Variants in SNED1 observed in about 807,000 individuals in gnomAD.
The protein encoded by SNED1 is sushi, nidogen and EGF-like domain-containing protein 1.
SNED1 carries 81 observed loss-of-function variants against 166.7 expected under a neutral mutation model. That is an observed-to-expected ratio of 0.49 (90% CI 0.41 to 0.58). SNED1 has a LOEUF of 0.58. Among genes scored for constraint, SNED1 ranks in the 20% least tolerant of loss-of-function variants. SNED1 has a pLI of 0.00. For synonymous variants in SNED1, 762 were observed against 822.0 expected, an observed-to-expected ratio of 0.93 and a Z score of 1.25; for missense variants, 1,604 against 2,000.2, an observed-to-expected ratio of 0.80 and a Z score of 3.78.
chr2:241,087,851 AGGGTTCAAG>A, intron 30 of SNED1: 2 of 492,374 alleles, frequency 4.1e-6, no homozygotes, highest in Non-Finnish European at 6.6e-6. Context: ...CTTTCCACAA[AGGGTTCAAG>A]GTAGTTACAA....
At position 241,063,920 on chromosome 2, in the gene SNED1, A is replaced by G. The variant is rs1211184844; in HGVS notation, c.2486-92A>G. 5.0e-6 allele frequency: 5 copies of G among 1,005,268 alleles called. No homozygotes were observed. The African/African-American group carries it at 8.0e-5, about 16-fold the overall frequency. 62.3% of individuals were successfully genotyped at this position (1,005,268 alleles called of 1,614,324 possible). ...CCCCTCTCTCCTGGCCTCCGCCCCT[A>G]GACTCCTCCTTTCCCTTCTTCCCGC... On this transcript the variant is annotated intron_variant, in intron 18 of 31. Transcript: ENST00000310397.
chr2:241,039,815 C>G (rs920064098), intron 6 of SNED1, among the ~76,000 whole-genome samples: 22 of 152,146 alleles, frequency 1.4e-4, no homozygotes, highest in African/African-American at 5.1e-4. Flanking sequence ...CCCCATTTGC[C>G]CCTGCCCAGC....
chr2:241,007,526 T>C (rs1177773249), intron 1 of SNED1, among the ~76,000 whole-genome samples: 1 of 152,248 alleles, frequency 6.6e-6, no homozygotes, highest in Non-Finnish European at 1.5e-5. Context: ...ACAGTGCTAC[T>C]CCTAGAAGCC....
intron 4 of SNED1, among the ~76,000 whole-genome samples, chr2:241,036,060 CAGGGT>C (rs2061356127): frequency 4.1e-5 from 1 of 24,306 alleles, no homozygotes; most frequent in African/African-American, 1.9e-4. Context: ...AGGTGCGTCA[CAGGGT>C]GGGGGGTGGG....
rs1359603021 is a variant in SNED1, at chr2:241,069,160, C to A, written c.3307+137C>A. 3 of 624,268 alleles carry A rather than the reference C, an allele frequency of 4.8e-6. No homozygotes were observed. The highest frequency in any genetic ancestry group is 3.1e-5 in the Admixed American group (1 of 32,736). 38.7% of individuals were successfully genotyped at this position (624,268 alleles called of 1,614,324 possible). A position where few individuals can be genotyped will look rare whatever the true frequency, so the allele number is the denominator to read the frequency against. ...GCCCCTGGCCTCCCAGATGTCTCTT[C>A]CGCTGGGGCCACTGGGCAGGAGCCG... On this transcript the variant is annotated intron_variant, in intron 23 of 31. Coordinates refer to ENST00000310397, the MANE Select transcript of SNED1 (RefSeq NM_001080437.3). This position sits in a 1 kb window ranked among gnomAD's most constrained non-coding sequence, Gnocchi z 4.9.
intron 1 of SNED1, among the ~76,000 whole-genome samples, chr2:241,011,594 C>T (rs986445709): frequency 6.6e-5 from 10 of 152,264 alleles, no homozygotes; most frequent in African/African-American, 2.4e-4. Context: ...TTTTCCACAT[C>T]TCTATGACAT....
At chr2:241,058,391 A>T (rs2062127767) in intron 16 of SNED1, among the ~76,000 whole-genome samples, 1 of 152,214 alleles carries the variant, frequency 6.6e-6, no homozygotes, top group South Asian at 2.1e-4. Flanking sequence ...AGGAAAAAAA[A>T]TACGAAATGA....
intron 1 of SNED1, among the ~76,000 whole-genome samples, chr2:241,006,951 G>T (rs11892860): frequency 0.044 from 6,675 of 152,202 alleles, 494 homozygotes; most frequent in African/African-American, 0.15. Flanking sequence ...CTCCAGAAGG[G>T]GCTCCCACTG....
At position 241,075,151 on chromosome 2, in the gene SNED1, T is replaced by G. The variant is rs530320957; in HGVS notation, c.3916+1787T>G. Reference sequence around the variant, plus strand: ...AGTGAACTGACCGGCTCTTCTCCCCTCTCTGTGCAGAGAACATGTAGGTTG... The same window carrying G: ...AGTGAACTGACCGGCTCTTCTCCCCGCTCTGTGCAGAGAACATGTAGGTTG... On this transcript the variant is annotated intron_variant, in intron 27 of 31. Transcript: ENST00000310397. This position sits in a 1 kb window ranked among gnomAD's most constrained non-coding sequence, Gnocchi z 4.8. 1 of 152,320 alleles carries G rather than the reference T, an allele frequency of 6.6e-6. No individual in the cohort carries two copies. Among genetic ancestry groups the G allele is most frequent in the South Asian group, 2.1e-4 (1 of 4,822 alleles). 9.4% of individuals were successfully genotyped at this position (152,320 alleles called of 1,614,324 possible). A position where few individuals can be genotyped will look rare whatever the true frequency, so the allele number is the denominator to read the frequency against.
At chr2:241,036,008 GAGT>G (rs2061348154) in intron 4 of SNED1, among the ~76,000 whole-genome samples, 1 of 105,384 alleles carries the variant, frequency 9.5e-6, no homozygotes, top group African/African-American at 3.8e-5. Context: ...ACGGGGAGGG[GAGT>G]GGGGGGTGGA....
intron 31 of SNED1, chr2:241,088,776 A>G: frequency 3.7e-6 from 1 of 269,522 alleles, no homozygotes. Context: ...ACCTGGGAGG[A>G]GGGGCCACGG....
chr2:241,054,326 C>A (rs925343151), intron 16 of SNED1, among the ~76,000 whole-genome samples: 2 of 152,174 alleles, frequency 1.3e-5, no homozygotes, highest in Non-Finnish European at 2.9e-5. Flanking sequence ...TATGTATGAT[C>A]GGAAGCAGAA....
chr2:241,062,735 C>A, intron 16 of SNED1, 56 bp from the exon 17 acceptor site: 1 of 1,191,082 alleles, frequency 8.4e-7, no homozygotes, highest in Non-Finnish European at 1.2e-6. Context: ...TTATGTGCAT[C>A]TTAATTTGGC....
chr2:241,052,451 G>A lies in SNED1; in HGVS notation c.2066G>A (p.Gly689Glu). 6.2e-7 allele frequency: 1 copy of A among 1,609,824 alleles called. No individual in the cohort carries two copies. Among genetic ancestry groups the A allele is most frequent in the Non-Finnish European group, 8.5e-7 (1 of 1,177,930 alleles). ...FFCHCQAGYM[G>E]RRCQAEVDCG... The stretch of plus-strand genomic sequence containing the variant: ...TGCCACTGCCAAGCAGGGTACATGG[G>A]ACGCCGGTGCCAGGCAGGTGAGAGG... Residue 689 changes from glycine (G) to glutamate (E), a missense_variant, in exon 15 of 32, where the codon GGA becomes GAA. Coordinates refer to ENST00000310397, the MANE Select transcript of SNED1 (RefSeq NM_001080437.3).
rs200651308 is a variant in SNED1 at position 241,052,806 on chromosome 2, GC to G, written c.2083+341del. On this transcript the variant is annotated intron_variant, in intron 15 of 31. Coordinates refer to ENST00000310397, the MANE Select transcript of SNED1 (RefSeq NM_001080437.3). ...GTGTCAGGCAGGTAAGGCCTGGGGG[GC>G]CCAAGCAGGGTACATGGGATGCCGG... 3.9e-5 allele frequency among the ~76,000 whole-genome samples: 5 copies of G among 126,940 alleles called. 1 individual carries two copies. Among genetic ancestry groups the G allele is most frequent in the East Asian group, 3.0e-4 (1 of 3,376 alleles). 83.3% of individuals were successfully genotyped at this position (126,940 alleles called of 152,430 possible).
chr2:241,063,574 C>T lies in SNED1; in HGVS notation c.2372-13C>T, dbSNP rs769838218. The T allele has an allele frequency of 8.9e-6, 14 of 1,579,812 alleles. No individual in the cohort carries two copies. The highest frequency in any genetic ancestry group is 3.3e-4 in the Middle Eastern group (2 of 6,024). On this transcript the variant is annotated splice_polypyrimidine_tract_variant and intron_variant, in intron 17 of 31. Transcript: ENST00000310397. ...TGAGCCAGCAACACCCTTGACACCCCTTCTCTGTGCAGAGAGGGATGAGTG... is the reference window on the plus strand; with the variant it reads ...TGAGCCAGCAACACCCTTGACACCCTTTCTCTGTGCAGAGAGGGATGAGTG...
intron 1 of SNED1, among the ~76,000 whole-genome samples, chr2:241,007,308 G>A (rs948691365): frequency 1.3e-5 from 2 of 152,188 alleles, no homozygotes; most frequent in African/African-American, 2.4e-5. Flanking sequence ...GCCAAACCGC[G>A]TTCTCCCAGG....
At chr2:241,012,540 G>A (rs750555485) in intron 1 of SNED1, among the ~76,000 whole-genome samples, 17 of 152,142 alleles carry the variant, frequency 1.1e-4, no homozygotes, top group South Asian at 4.1e-4. Flanking sequence ...CCTCTGTATC[G>A]TTGTATGAAT....
At position 241,052,455 on chromosome 2, in the gene SNED1, C is replaced by T. The variant is rs1196445463; in HGVS notation, c.2070C>T (p.Arg690=). 5.0e-6 allele frequency: 8 copies of T among 1,609,210 alleles called. No individual in the cohort carries two copies. Among genetic ancestry groups the T allele is most frequent in the Non-Finnish European group, 6.8e-6 (8 of 1,177,738 alleles). The stretch of plus-strand genomic sequence containing the variant: ...ACTGCCAAGCAGGGTACATGGGACG[C>T]CGGTGCCAGGCAGGTGAGAGGGTCA... ...FCHCQAGYMG[R]RCQAEVDCGP... The change falls in exon 15 of 32, where the codon CGC becomes CGT. Residue 690 remains arginine (R), a synonymous_variant. Transcript: ENST00000310397.
Sources: gnomAD v4.1 joint callset for allele counts (sites outside exome capture counted in the v4.1 genomes callset) on GRCh38, gnomAD v4.1.1 for gene constraint, Gnocchi (gnomAD v3.1) non-coding constraint, MANE v1.5 for transcripts, NCBI Gene and HGNC (gene_info 2026-07-23, HGNC 2026-07-21) for gene names.